RAD51B: variants seen among roughly 807,000 people sequenced by gnomAD.
RAD51B encodes the protein RAD51 paralog B, also known as DNA repair protein RAD51 homolog 2.
In RAD51B, 38 loss-of-function variants were observed where a neutral mutation model predicts 42.2. The observed-to-expected ratio is 0.90, with a 90% confidence interval of 0.70 to 1.18. The LOEUF (loss-of-function observed/expected upper bound fraction) is 1.18, where lower values mean the gene tolerates loss of function less well. RAD51B is among the 50% of genes most tolerant of loss of function. The probability of loss-of-function intolerance (pLI) is 0.00; values close to 1 mark genes in which losing one functional copy is unlikely to be tolerated. For synonymous variants in RAD51B, 154 were observed against 145.2 expected, an observed-to-expected ratio of 1.06 and a Z score of -0.43; for missense variants, 373 against 400.7, an observed-to-expected ratio of 0.93 and a Z score of 0.59.
intron 7 of RAD51B, among the ~76,000 whole-genome samples, chr14:68,054,045 C>T (rs1219490530): frequency 1.3e-5 from 2 of 152,134 alleles, no homozygotes; most frequent in Non-Finnish European, 2.9e-5. Flanking sequence ...CTCCTTTATC[C>T]TTAAATGTTT....
At chr14:68,654,259 G>T (rs1188091800) in intron 11 of RAD51B, among the ~76,000 whole-genome samples, 2 of 152,238 alleles carry the variant, frequency 1.3e-5, no homozygotes, top group African/African-American at 4.8e-5. Flanking sequence ...GAATCCTGGT[G>T]GTTCGGTCTT....
intron 7 of RAD51B, among the ~76,000 whole-genome samples, chr14:68,083,593 A>C (rs2076944130): frequency 6.6e-6 from 1 of 152,202 alleles, no homozygotes; most frequent in African/African-American, 2.4e-5. Flanking sequence ...TATCTAGGAA[A>C]GAAAATTAGT....
intron 7 of RAD51B, among the ~76,000 whole-genome samples, chr14:67,913,897 C>G (rs1341765331): frequency 1.3e-5 from 2 of 151,962 alleles, no homozygotes; most frequent in African/African-American, 4.8e-5. Context: ...TTTTTGCACC[C>G]ATAAACCATC....
intron 7 of RAD51B, among the ~76,000 whole-genome samples, chr14:68,205,616 C>CT (rs371404440): frequency 0.011 from 1,637 of 147,154 alleles, 24 homozygotes; most frequent in African/African-American, 0.037. Flanking sequence ...CTTTTCTTTT[C>CT]TTTTTTTTTT....
chr14:68,664,614 CCT>C (rs762885891), intron 11 of RAD51B, among the ~76,000 whole-genome samples: 7 of 152,108 alleles, frequency 4.6e-5, no homozygotes, highest in Non-Finnish European at 1.0e-4. Context: ...AGCACAATTC[CCT>C]CTTTCCTCAC....
At chr14:68,252,902 G>A (rs532701820) in intron 7 of RAD51B, among the ~76,000 whole-genome samples, 5 of 152,130 alleles carry the variant, frequency 3.3e-5, no homozygotes, top group Non-Finnish European at 7.4e-5. Context: ...CCAACATGGC[G>A]AAACCCCGAC....
intron 7 of RAD51B, chr14:67,908,615 G>C (rs2043860788): frequency 6.6e-6 from 1 of 151,992 alleles, no homozygotes; most frequent in South Asian, 2.1e-4. Context: ...TTTGTAGCTA[G>C]TTAGGAACTG....
intron 7 of RAD51B, among the ~76,000 whole-genome samples, chr14:68,177,130 C>CT (rs1288343946): frequency 2.6e-5 from 4 of 152,202 alleles, no homozygotes; most frequent in Non-Finnish European, 5.9e-5. Context: ...AGATTCAAGA[C>CT]TGACACTGAG....
chr14:68,458,347 G>T (rs1257226285), intron 9 of RAD51B, among the ~76,000 whole-genome samples: 2 of 152,062 alleles, frequency 1.3e-5, no homozygotes, highest in South Asian at 2.1e-4. Flanking sequence ...TGTTTGAAAA[G>T]GTTCATAATA....
At chr14:68,398,043 G>C (rs1311785566) in intron 8 of RAD51B, among the ~76,000 whole-genome samples, 1 of 152,222 alleles carries the variant, frequency 6.6e-6, no homozygotes, top group Admixed American at 6.5e-5. Context: ...AGGGAGGAAA[G>C]CATAACCATA....
intron 10 of RAD51B, chr14:68,562,486 C>A (rs2158357): frequency 2.0e-6 from 2 of 984,582 alleles, no homozygotes; most frequent in African/African-American, 3.5e-5. Flanking sequence ...AGCCTCTGAG[C>A]GCTCTCTGCC....
At chr14:68,662,065 G>T (rs1383071872) in intron 11 of RAD51B, among the ~76,000 whole-genome samples, 1 of 152,176 alleles carries the variant, frequency 6.6e-6, no homozygotes, top group African/African-American at 2.4e-5. Flanking sequence ...ATTGCATTTT[G>T]CTTCTCCTTT....
intron 7 of RAD51B, among the ~76,000 whole-genome samples, chr14:68,072,263 T>C (rs1315028682): frequency 1.4e-5 from 2 of 147,330 alleles, no homozygotes; most frequent in Admixed American, 6.9e-5. Flanking sequence ...ATAAACTGTA[T>C]ATATAGGAGT....
intron 10 of RAD51B, among the ~76,000 whole-genome samples, chr14:68,575,201 C>T (rs1185969962): frequency 3.3e-5 from 5 of 152,282 alleles, no homozygotes; most frequent in East Asian, 1.9e-4. Flanking sequence ...GATACTGACT[C>T]GACAATCCTA....
intron 8 of RAD51B, among the ~76,000 whole-genome samples, chr14:68,324,323 C>T (rs1267410609): frequency 6.6e-6 from 1 of 152,208 alleles, no homozygotes; most frequent in Non-Finnish European, 1.5e-5. Context: ...ATCCAGGCCT[C>T]ATCTCATAGA....
chr14:67,903,109 C>G (rs1185647067), intron 7 of RAD51B, among the ~76,000 whole-genome samples: 1 of 152,142 alleles, frequency 6.6e-6, no homozygotes, highest in Non-Finnish European at 1.5e-5. Flanking sequence ...CTGCCCACCT[C>G]TGCCTCCCAA....
intron 7 of RAD51B, among the ~76,000 whole-genome samples, chr14:67,973,189 A>G (rs1566986435): frequency 6.6e-6 from 1 of 152,108 alleles, no homozygotes; most frequent in Non-Finnish European, 1.5e-5. Flanking sequence ...GACCCTAAGG[A>G]TTTTGGACTG....
intron 11 of RAD51B, chr14:68,682,799 G>A (rs1893460507): frequency 6.5e-6 from 2 of 306,948 alleles, no homozygotes; most frequent in Admixed American, 1.3e-4. Flanking sequence ...AAGAAAAAGT[G>A]GGGAGAGGGC....
At chr14:68,428,705 CTTTATATATATATA>C (rs2084914843) in intron 9 of RAD51B, among the ~76,000 whole-genome samples, 10 of 103,406 alleles carry the variant, frequency 9.7e-5, no homozygotes, top group African/African-American at 3.5e-4. Flanking sequence ...GCAGGATTTT[CTTTATATATATATA>C]TATATATATA....
Sources: allele counts gnomAD v4.1 joint callset (sites outside exome capture counted in the v4.1 genomes callset), GRCh38; gene constraint gnomAD v4.1.1; transcripts MANE v1.5; gene names NCBI Gene and HGNC (gene_info 2026-07-23, HGNC 2026-07-21).